The following CFAP299 variants were observed in gnomAD, a reference collection of about 807,000 sequenced individuals.
CFAP299 encodes cilia and flagella associated protein 299.
In CFAP299, 21 loss-of-function variants were observed where a neutral mutation model predicts 27.0. That is an observed-to-expected ratio of 0.78 (90% confidence interval 0.55 to 1.12). CFAP299 has a LOEUF of 1.12. Among genes scored for constraint, CFAP299 ranks in the 50% most tolerant of loss-of-function variants. The pLI is 0.00. For synonymous variants in CFAP299, 104 were observed against 98.1 expected (o/e 1.06, Z -0.36); for missense variants, 310 against 276.6 (o/e 1.12, Z -0.86).
At chr4:80,868,905 C>CTCTCTCTCTGTGTGTGTG (rs1435285713) in intron 3 of CFAP299, among the ~76,000 whole-genome samples, 1 of 137,576 alleles carries the variant, frequency 7.3e-6, no homozygotes, top group African/African-American at 2.8e-5. Flanking sequence ...GCTTCTCTCT[C>CTCTCTCTCTGTGTGTGTG]TGTGTGTGTG....
intron 3 of CFAP299, among the ~76,000 whole-genome samples, chr4:80,589,780 A>G (rs1463436958): frequency 6.6e-6 from 1 of 152,198 alleles, no homozygotes. Context: ...ACAAAAATTT[A>G]AAGAGACCAG....
At chr4:80,726,476 T>TA (rs1466306527) in intron 3 of CFAP299, among the ~76,000 whole-genome samples, 2 of 152,148 alleles carry the variant, frequency 1.3e-5, no homozygotes, top group Admixed American at 1.3e-4. Context: ...TTACTTAAAT[T>TA]AAAACAAATA....
At chr4:80,869,474 T>C (rs1021415766) in intron 3 of CFAP299, among the ~76,000 whole-genome samples, 1 of 152,202 alleles carries the variant, frequency 6.6e-6, no homozygotes, top group Non-Finnish European at 1.5e-5. Flanking sequence ...TCTCTGTTGT[T>C]CTTTTCGTTT....
intron 3 of CFAP299, among the ~76,000 whole-genome samples, chr4:80,671,559 G>C (rs1004337188): frequency 2.0e-5 from 3 of 152,052 alleles, no homozygotes; most frequent in African/African-American, 7.2e-5. Flanking sequence ...GATGGGGATG[G>C]CATTGAATCT....
intron 4 of CFAP299, among the ~76,000 whole-genome samples, chr4:80,913,755 G>A (rs1417476366): frequency 6.6e-6 from 1 of 151,926 alleles, no homozygotes; most frequent in Non-Finnish European, 1.5e-5. Flanking sequence ...CAATTCATGA[G>A]CTTTGGCTAA....
chr4:80,371,015 G>A (rs920390993), intron 2 of CFAP299, among the ~76,000 whole-genome samples: 2 of 152,236 alleles, frequency 1.3e-5, no homozygotes, highest in African/African-American at 4.8e-5. Context: ...TGGACATCCA[G>A]GCTTTTTCAT....
At chr4:80,809,440 C>T (rs913055175) in intron 3 of CFAP299, among the ~76,000 whole-genome samples, 1 of 152,058 alleles carries the variant, frequency 6.6e-6, no homozygotes, top group African/African-American at 2.4e-5. Context: ...TTCTTAATGG[C>T]TTAAAGAGAC....
chr4:80,689,439 A>C (rs941550407), intron 3 of CFAP299, among the ~76,000 whole-genome samples: 1 of 152,214 alleles, frequency 6.6e-6, no homozygotes, highest in African/African-American at 2.4e-5. Context: ...ATCCAGCCAA[A>C]CTAAGCTTCA....
intron 2 of CFAP299, among the ~76,000 whole-genome samples, chr4:80,573,741 G>T (rs750972628): frequency 6.6e-6 from 1 of 151,890 alleles, no homozygotes; most frequent in Non-Finnish European, 1.5e-5. Flanking sequence ...TATATTCTTT[G>T]CACCTTTATA....
At chr4:80,525,309 T>A (rs1486969483) in intron 2 of CFAP299, among the ~76,000 whole-genome samples, 4 of 152,130 alleles carry the variant, frequency 2.6e-5, no homozygotes, top group African/African-American at 9.7e-5. Flanking sequence ...TCGGCCACAG[T>A]GGAAAATTAT....
intron 4 of CFAP299, among the ~76,000 whole-genome samples, chr4:80,932,483 C>T (rs1736670923): frequency 6.6e-6 from 1 of 151,924 alleles, no homozygotes; most frequent in Admixed American, 6.6e-5. Context: ...TAGCCTATTA[C>T]AGAATGTATT....
chr4:80,388,036 C>T lies in CFAP299; in HGVS notation c.242+25152C>T, dbSNP rs1317676879. ...CCAGGGGTGGGTAGGGCTGCATCAC[C>T]AGTGCCTGGATCTCCACCATTCCAC... On this transcript the variant is annotated intron_variant, in intron 2 of 5. Coordinates refer to ENST00000358105, the MANE Select transcript of CFAP299 (RefSeq NM_152770.3). 7.2e-6 allele frequency: 5 copies of T among 693,268 alleles called. No homozygotes were observed. In the Admixed American group the frequency reaches 9.1e-5, roughly 13 times the overall value. 42.9% of individuals were successfully genotyped at this position (693,268 alleles called of 1,614,324 possible). A position where few individuals can be genotyped will look rare whatever the true frequency, so the allele number is the denominator to read the frequency against.
intron 3 of CFAP299, among the ~76,000 whole-genome samples, chr4:80,761,665 A>T (rs1052603617): frequency 1.3e-5 from 2 of 152,102 alleles, no homozygotes; most frequent in Admixed American, 1.3e-4. Context: ...TAACTTTATT[A>T]AAAAACTTTT....
chr4:80,357,255 A>AT (rs1448332304), intron 1 of CFAP299, among the ~76,000 whole-genome samples: 7 of 151,952 alleles, frequency 4.6e-5, no homozygotes, highest in African/African-American at 1.7e-4. Context: ...TTTATTGAGG[A>AT]TTTTTGCATG....
At chr4:80,587,823 C>T (rs1736526053) in intron 3 of CFAP299, among the ~76,000 whole-genome samples, 1 of 152,206 alleles carries the variant, frequency 6.6e-6, no homozygotes, top group Admixed American at 6.5e-5. Flanking sequence ...AACACCTGGG[C>T]TCAAGTTATC....
At chr4:80,903,259 A>T (rs1735017375) in intron 4 of CFAP299, among the ~76,000 whole-genome samples, 1 of 152,072 alleles carries the variant, frequency 6.6e-6, no homozygotes, top group Admixed American at 6.6e-5. Flanking sequence ...ATATCATTAG[A>T]TGGTCTCAGG....
intron 3 of CFAP299, among the ~76,000 whole-genome samples, chr4:80,616,159 C>T (rs1283729435): frequency 6.6e-6 from 1 of 152,102 alleles, no homozygotes; most frequent in Non-Finnish European, 1.5e-5. Context: ...CTTCCCAACT[C>T]AACTGTAAAG....
intron 4 of CFAP299, among the ~76,000 whole-genome samples, chr4:80,892,065 A>G (rs527613300): frequency 5.3e-5 from 8 of 152,240 alleles, no homozygotes; most frequent in East Asian, 1.9e-4. Context: ...TCCTGAGTCA[A>G]AAGAACAAAA....
chr4:80,365,003 T>C (rs1448336022), intron 2 of CFAP299, among the ~76,000 whole-genome samples: 1 of 152,220 alleles, frequency 6.6e-6, no homozygotes, highest in African/African-American at 2.4e-5. Context: ...TTTCAGTCTA[T>C]CATTGATGAG....
Sources: gnomAD v4.1 joint callset for allele counts (sites outside exome capture counted in the v4.1 genomes callset) on GRCh38, gnomAD v4.1.1 for gene constraint, MANE v1.5 for transcripts, NCBI Gene and HGNC (gene_info 2026-07-23, HGNC 2026-07-21) for gene names.